MCC: variants seen among roughly 807,000 people sequenced by gnomAD.
MCC encodes the protein colorectal mutant cancer protein.
A neutral mutation model predicts 116.2 loss-of-function variants in MCC; 90 were observed. The ratio of observed to expected loss-of-function variants is 0.77; its 90% confidence interval spans 0.65 to 0.92. The LOEUF is 0.92. MCC is among the 40% of genes least tolerant of loss of function. MCC has a pLI of 0.00. For synonymous variants in MCC, 578 were observed against 510.5 expected (o/e 1.13, Z -1.78); for missense variants, 1,516 against 1,312.2 (o/e 1.16, Z -2.40).
chr5:113,456,342 T>C (rs1002862702), intron 1 of MCC, among the ~76,000 whole-genome samples: 1 of 152,228 alleles, frequency 6.6e-6, no homozygotes, highest in Non-Finnish European at 1.5e-5. Flanking sequence ...CTAAAATGCT[T>C]GAGATCAGAA....
intron 3 of MCC, among the ~76,000 whole-genome samples, chr5:113,315,869 C>A (rs1353096300): frequency 1.3e-5 from 2 of 151,954 alleles, no homozygotes; most frequent in East Asian, 3.9e-4. Flanking sequence ...CAGAGTGAGA[C>A]CCTGTCTCAA....
chr5:113,039,013 G>A (rs532600662), intron 17 of MCC, among the ~76,000 whole-genome samples: 105 of 152,216 alleles, frequency 6.9e-4, no homozygotes, highest in Non-Finnish European at 1.2e-3. Context: ...GCCTCCTGGA[G>A]GGCAGGGCGC....
chr5:113,414,680 C>T (rs1036589700), intron 1 of MCC, among the ~76,000 whole-genome samples: 6 of 152,066 alleles, frequency 3.9e-5, no homozygotes, highest in Non-Finnish European at 8.8e-5. Context: ...AGATGGGTCT[C>T]CTGAATATAG....
At chr5:113,294,479 T>C in intron 3 of MCC, 4 of 1,594,584 alleles carry the variant, frequency 2.5e-6, no homozygotes, top group Non-Finnish European at 2.6e-6. Context: ...TGGTCCCTTC[T>C]GCCACATTTT....
At chr5:113,043,075 C>T (rs1022931298) in intron 17 of MCC, among the ~76,000 whole-genome samples, 1 of 152,068 alleles carries the variant, frequency 6.6e-6, no homozygotes, top group South Asian at 2.1e-4. Context: ...AGATAAAGAA[C>T]TGGGGGGCGG....
chr5:113,156,417 T>A (rs1760173695), intron 3 of MCC, among the ~76,000 whole-genome samples: 1 of 152,170 alleles, frequency 6.6e-6, no homozygotes, highest in Non-Finnish European at 1.5e-5. Context: ...CAAACGGGTT[T>A]GTTTGAAGTC....
chr5:113,434,641 A>C lies in MCC; in HGVS notation c.171-49429T>G, dbSNP rs1308999412. The C allele has an allele frequency of 1.2e-6, 2 of 1,613,960 alleles. No homozygotes were observed. The highest frequency in any genetic ancestry group is 1.7e-6 in the Non-Finnish European group (2 of 1,179,894). ...GTCTTAATGATGGAGCAGTGGTTTA[A>C]CATGGCCAGAATCTCAATTTCCCGG... is the stretch of plus-strand genomic sequence containing the variant. On this transcript the variant is annotated intron_variant, in intron 1 of 18. Transcript: ENST00000408903. The surrounding 1 kb of genome is among the most constrained non-coding windows in gnomAD (Gnocchi z 4.2).
chr5:113,057,705 T>C (rs1211400401), intron 14 of MCC, among the ~76,000 whole-genome samples: 1 of 152,218 alleles, frequency 6.6e-6, no homozygotes, highest in Non-Finnish European at 1.5e-5. Context: ...TGCAACCTGC[T>C]CAGCGGCAGG....
At chr5:113,097,426 C>T (rs1314584054) in intron 8 of MCC, among the ~76,000 whole-genome samples, 1 of 152,104 alleles carries the variant, frequency 6.6e-6, no homozygotes, top group Non-Finnish European at 1.5e-5. Flanking sequence ...GAGGCCAATA[C>T]AACATATTAC....
At chr5:113,322,706 T>C (rs931779928) in intron 3 of MCC, among the ~76,000 whole-genome samples, 1 of 152,180 alleles carries the variant, frequency 6.6e-6, no homozygotes, top group Non-Finnish European at 1.5e-5. Flanking sequence ...TTACTGAGCA[T>C]CAACTATATA....
intron 1 of MCC, among the ~76,000 whole-genome samples, chr5:113,448,782 A>T (rs943302027): frequency 6.6e-6 from 1 of 152,230 alleles, no homozygotes; most frequent in South Asian, 2.1e-4. Flanking sequence ...TTCAATGCTA[A>T]TGGGGAAGAA....
intron 14 of MCC, among the ~76,000 whole-genome samples, chr5:113,063,428 T>C (rs1358526942): frequency 6.6e-6 from 1 of 152,218 alleles, no homozygotes; most frequent in Non-Finnish European, 1.5e-5. Context: ...TGACCTCAGG[T>C]TCATGACTGA....
chr5:113,424,900 A>C (rs1294242754), intron 1 of MCC, among the ~76,000 whole-genome samples: 1 of 152,146 alleles, frequency 6.6e-6, no homozygotes, highest in Non-Finnish European at 1.5e-5. Flanking sequence ...GAAAATATGA[A>C]AGAAAGGGTC....
At chr5:113,289,864 C>T (rs1433502466) in intron 3 of MCC, among the ~76,000 whole-genome samples, 1 of 152,112 alleles carries the variant, frequency 6.6e-6, no homozygotes, top group African/African-American at 2.4e-5. Context: ...AGGTCTTGAC[C>T]CTGCTCTTCT....
At chr5:113,072,512 T>C (rs1456601722) in intron 11 of MCC, among the ~76,000 whole-genome samples, 3 of 152,192 alleles carry the variant, frequency 2.0e-5, no homozygotes, top group African/African-American at 7.2e-5. Context: ...GCCAAGCCCA[T>C]CTCAGGGCCC....
chr5:113,361,335 TA>T (rs1398718527), intron 2 of MCC, among the ~76,000 whole-genome samples: 5 of 152,146 alleles, frequency 3.3e-5, no homozygotes. Flanking sequence ...TTCTCATCTT[TA>T]TTATATTCTT....
At chr5:113,080,610 A>G (rs2150241373) in intron 11 of MCC, among the ~76,000 whole-genome samples, 2 of 152,280 alleles carry the variant, frequency 1.3e-5, no homozygotes, top group South Asian at 4.1e-4. Flanking sequence ...CAATGAGAAC[A>G]CCTGGACACA....
At chr5:113,475,316 T>G (rs1772208681) in intron 1 of MCC, among the ~76,000 whole-genome samples, 2 of 152,242 alleles carry the variant, frequency 1.3e-5, no homozygotes, top group Non-Finnish European at 2.9e-5. Flanking sequence ...AATATTCAAC[T>G]GAGAGTTACA....
chr5:113,077,756 C>G (rs1012128163), intron 11 of MCC, among the ~76,000 whole-genome samples: 1 of 152,048 alleles, frequency 6.6e-6, no homozygotes, highest in Non-Finnish European at 1.5e-5. Context: ...ATTAGAAAAT[C>G]AAGAGCCAAC....
Sources: gnomAD v4.1 joint callset for allele counts (sites outside exome capture counted in the v4.1 genomes callset) on GRCh38, gnomAD v4.1.1 for gene constraint, Gnocchi (gnomAD v3.1) non-coding constraint, MANE v1.5 for transcripts, NCBI Gene and HGNC (gene_info 2026-07-23, HGNC 2026-07-21) for gene names.